NAALADL2: variants seen among roughly 807,000 people sequenced by gnomAD.
NAALADL2 encodes the protein N-acetylated alpha-linked acidic dipeptidase like 2, also known as inactive N-acetylated-alpha-linked acidic dipeptidase-like protein 2.
A neutral mutation model predicts 87.2 loss-of-function variants in NAALADL2; 76 were observed. The ratio of observed to expected loss-of-function variants is 0.87; its 90% CI spans 0.72 to 1.05. NAALADL2 has a LOEUF of 1.05. NAALADL2 is among the 50% of genes least tolerant of loss of function. The probability of loss-of-function intolerance (pLI) is 0.00; values close to 1 mark genes in which losing one functional copy is unlikely to be tolerated. For synonymous variants in NAALADL2, 354 were observed against 331.0 expected (o/e 1.07, Z -0.75); for missense variants, 1,089 against 945.8 (o/e 1.15, Z -1.99).
At chr3:175,190,603 T>C (rs558080203) in intron 2 of NAALADL2, among the ~76,000 whole-genome samples, 1 of 152,196 alleles carries the variant, frequency 6.6e-6, no homozygotes, top group African/African-American at 2.4e-5. Flanking sequence ...GATGGTGCGG[T>C]CATTATGGAA....
chr3:175,658,316 G>A (rs1345576432), intron 11 of NAALADL2, among the ~76,000 whole-genome samples: 1 of 152,130 alleles, frequency 6.6e-6, no homozygotes, highest in Non-Finnish European at 1.5e-5. Context: ...CAGATTTTCA[G>A]AGGACTTCCT....
chr3:175,451,328 T>TA (rs61203871), intron 6 of NAALADL2, among the ~76,000 whole-genome samples: 11 of 147,534 alleles, frequency 7.5e-5, no homozygotes, highest in African/African-American at 1.5e-4. Context: ...CTGCGAGAAC[T>TA]AAAAAAAAAA....
At chr3:174,678,180 G>A (rs1360170872) in intron 2 of NAALADL2, among the ~76,000 whole-genome samples, 1 of 152,118 alleles carries the variant, frequency 6.6e-6, no homozygotes, top group African/African-American at 2.4e-5. Flanking sequence ...TACCTTGCAT[G>A]AGAATGACTT....
intron 1 of NAALADL2, among the ~76,000 whole-genome samples, chr3:174,964,025 A>G (rs1390174776): frequency 1.0e-5 from 1 of 99,130 alleles, no homozygotes; most frequent in South Asian, 2.5e-4. Context: ...CATGTTATTA[A>G]ATCTTTTGGG....
At chr3:175,576,636 C>T (rs998303266) in intron 10 of NAALADL2, among the ~76,000 whole-genome samples, 5 of 152,104 alleles carry the variant, frequency 3.3e-5, no homozygotes, top group African/African-American at 4.8e-5. Flanking sequence ...AAAGATAGTA[C>T]TTTTTTTGTG....
intron 2 of NAALADL2, among the ~76,000 whole-genome samples, chr3:174,617,517 G>A (rs187395338): frequency 8.5e-4 from 129 of 151,580 alleles, no homozygotes; most frequent in African/African-American, 2.9e-3. Context: ...ATATTGCATG[G>A]GATTGATTTG....
At chr3:174,787,606 T>TATATATATACACAC (rs1716941288) in intron 3 of NAALADL2, among the ~76,000 whole-genome samples, 1 of 104,830 alleles carries the variant, frequency 9.5e-6, no homozygotes, top group Non-Finnish European at 2.1e-5. Context: ...TATATATATA[T>TATATATATACACAC]ATATATATAT....
intron 2 of NAALADL2, among the ~76,000 whole-genome samples, chr3:174,702,816 T>G (rs540436387): frequency 1.6e-4 from 24 of 152,344 alleles, no homozygotes; most frequent in Middle Eastern, 3.4e-3. Flanking sequence ...AACATCGTTA[T>G]GCAGTGCATA....
rs146116779 is a variant in NAALADL2 at position 175,033,407 on chromosome 3, G to A, written c.44-63383G>A. Among the ~76,000 whole-genome samples, 4 of 152,080 alleles carry A rather than the reference G, an allele frequency of 2.6e-5. No individual in the cohort carries two copies. The South Asian group carries it at 6.2e-4, about 24-fold the overall frequency. ...TGTCTGTCTTGATATTTACTATTCTGTTTTTTGCTCATCAACTGTCACTCA... is the reference window on the plus strand; with the variant it reads ...TGTCTGTCTTGATATTTACTATTCTATTTTTTGCTCATCAACTGTCACTCA... On this transcript the variant is annotated intron_variant, in intron 1 of 13. Coordinates refer to ENST00000454872, the MANE Select transcript of NAALADL2 (RefSeq NM_207015.3).
In NAALADL2 at chr3:175,651,726, T is replaced by G. The variant is rs142313468; in HGVS notation, c.1896+24340T>G. On this transcript the variant is annotated intron_variant, in intron 11 of 13. Transcript: ENST00000454872. ...TATATTTGAAATGTTTCCTATCCAT[T>G]TCTTAGCATTTTGCCAAGGCTTTAT... Among the ~76,000 whole-genome samples the G allele has an allele frequency of 5.3e-3, 807 of 152,350 alleles. 6 individuals are homozygous for G. The highest frequency in any genetic ancestry group is 0.014 in the Middle Eastern group (4 of 294).
chr3:175,584,769 TA>T (rs1720297790), intron 10 of NAALADL2, among the ~76,000 whole-genome samples: 1 of 152,196 alleles, frequency 6.6e-6, no homozygotes, highest in South Asian at 2.1e-4. Context: ...AAAAGTGCAG[TA>T]AAGTACAATA....
At chr3:174,857,371 G>T (rs780252378), upstream of NAALADL2, among the ~76,000 whole-genome samples, 1 of 152,058 alleles carries the variant, frequency 6.6e-6, no homozygotes, top group Non-Finnish European at 1.5e-5. Flanking sequence ...AGACCTTTCT[G>T]GTGTTTATAT....
chr3:175,133,757 A>G (rs1020342116), intron 2 of NAALADL2, among the ~76,000 whole-genome samples: 12 of 152,110 alleles, frequency 7.9e-5, no homozygotes, highest in African/African-American at 2.9e-4. Flanking sequence ...GAGGGAGACT[A>G]AGTATTTTAT....
chr3:175,134,501 T>C (rs1188484388), intron 2 of NAALADL2, among the ~76,000 whole-genome samples: 1 of 152,218 alleles, frequency 6.6e-6, no homozygotes, highest in Non-Finnish European at 1.5e-5. Flanking sequence ...ATTGATCCTA[T>C]GTGCCTGGTA....
intron 1 of NAALADL2, among the ~76,000 whole-genome samples, chr3:175,007,505 T>C (rs1203839133): frequency 6.6e-6 from 1 of 152,160 alleles, no homozygotes; most frequent in Non-Finnish European, 1.5e-5. Context: ...GGTTTCTGGC[T>C]AACCATCAGA....
intron 2 of NAALADL2, among the ~76,000 whole-genome samples, chr3:175,191,282 C>T (rs1738163352): frequency 1.3e-5 from 2 of 151,962 alleles, no homozygotes; most frequent in South Asian, 4.2e-4. Context: ...ATATTATAGC[C>T]AATTCAGGCA....
chr3:174,887,155 T>A (rs1409818157), intron 1 of NAALADL2, among the ~76,000 whole-genome samples: 1 of 152,182 alleles, frequency 6.6e-6, no homozygotes, highest in African/African-American at 2.4e-5. Flanking sequence ...CTGTCCTAGA[T>A]GGCCACTCAT....
intron 11 of NAALADL2, among the ~76,000 whole-genome samples, chr3:175,723,771 A>G (rs1379608755): frequency 6.6e-6 from 1 of 152,106 alleles, no homozygotes; most frequent in African/African-American, 2.4e-5. Context: ...TCCTTTAAAA[A>G]AATCCTTCCA....
intron 2 of NAALADL2, among the ~76,000 whole-genome samples, chr3:174,654,978 GCCCTCCTTGGCTTC>G (rs1032329765): frequency 2.6e-5 from 4 of 152,042 alleles, no homozygotes; most frequent in African/African-American, 9.7e-5. Flanking sequence ...CTCTTGATCT[GCCCTCCTTGGCTTC>G]CCAAAGTGCT....
Sources: allele counts gnomAD v4.1 joint callset (sites outside exome capture counted in the v4.1 genomes callset), GRCh38; gene constraint gnomAD v4.1.1; transcripts MANE v1.5; gene names NCBI Gene and HGNC (gene_info 2026-07-23, HGNC 2026-07-21).